The following FBXO34 variants were observed in gnomAD, a reference collection of about 807,000 sequenced individuals.
FBXO34 encodes the protein F-box only protein 34.
FBXO34 carries 12 observed loss-of-function variants against 24.5 expected under a neutral mutation model. That is an observed-to-expected ratio of 0.49 (90% CI 0.31 to 0.79). The LOEUF (loss-of-function observed/expected upper bound fraction) is 0.79, where lower values mean the gene tolerates loss of function less well. Among genes scored for constraint, FBXO34 ranks in the 30% least tolerant of loss-of-function variants. The probability of loss-of-function intolerance (pLI) is 0.04; values close to 1 mark genes in which losing one functional copy is unlikely to be tolerated. For missense variants in FBXO34, 823 were observed against 857.7 expected (o/e 0.96, Z 0.51); for synonymous variants, 320 against 311.9 (o/e 1.03, Z -0.27).
chr14:55,432,444 C>CAA, the FBXO34 span, among the ~76,000 whole-genome samples: 1 of 147,438 alleles, frequency 6.8e-6, no homozygotes, highest in African/African-American at 2.5e-5. Flanking sequence ...AAACAAACAA[C>CAA]AAAAAAAACA....
rs1413416218 is a variant in FBXO34, at chr14:55,344,546, A to T, written c.-10-5835A>T. ...CCAATGTTAATTTTTGTGTATGTGT[A>T]TTTTTTTTTTTTTTTTTACTTTAAG... On this transcript the variant is annotated intron_variant, in intron 1 of 1. Transcript: ENST00000313833. Among the ~76,000 whole-genome samples the T allele has an allele frequency of 1.7e-4, 24 of 138,998 alleles. 1 individual carries two copies. The highest frequency in any genetic ancestry group is 7.9e-4 in the Admixed American group (11 of 13,848). 91.2% of individuals were successfully genotyped at this position (138,998 alleles called of 152,430 possible). A position where few individuals can be genotyped will look rare whatever the true frequency, so the allele number is the denominator to read the frequency against.
intron 1 of FBXO34, among the ~76,000 whole-genome samples, chr14:55,288,259 T>C (rs760022009): frequency 1.3e-5 from 2 of 151,988 alleles, no homozygotes; most frequent in African/African-American, 2.4e-5. Flanking sequence ...GAAAATCCAA[T>C]TTTTTTTGGG....
intron 1 of FBXO34, among the ~76,000 whole-genome samples, chr14:55,340,040 C>G (rs1342388984): frequency 6.6e-6 from 1 of 152,150 alleles, no homozygotes; most frequent in Non-Finnish European, 1.5e-5. Flanking sequence ...AGTCTTTTGT[C>G]TACATTGATG....
chr14:55,292,468 TCA>T (rs1328593195), intron 1 of FBXO34, among the ~76,000 whole-genome samples: 1 of 152,096 alleles, frequency 6.6e-6, no homozygotes, highest in African/African-American at 2.4e-5. Flanking sequence ...CAAGTGATCC[TCA>T]CACCTCAGCC....
intron 1 of FBXO34, among the ~76,000 whole-genome samples, chr14:55,311,668 C>T (rs182951576): frequency 2.0e-4 from 31 of 152,238 alleles, no homozygotes; most frequent in Non-Finnish European, 3.2e-4. Flanking sequence ...AACAAAGGGC[C>T]TGCAGGTCCC....
chr14:55,275,244 T>C (rs1382131263), intron 1 of FBXO34, among the ~76,000 whole-genome samples: 1 of 152,226 alleles, frequency 6.6e-6, no homozygotes, highest in Non-Finnish European at 1.5e-5. Context: ...CATTTTAAAA[T>C]ATTCAGCTTC....
chr14:55,294,737 G>A (rs534191469), intron 1 of FBXO34, among the ~76,000 whole-genome samples: 1 of 152,292 alleles, frequency 6.6e-6, no homozygotes, highest in South Asian at 2.1e-4. Context: ...GCTGTGCTAA[G>A]TTTAAGAACT....
chr14:55,438,550 A>G, the FBXO34 span, among the ~76,000 whole-genome samples: 1 of 152,176 alleles, frequency 6.6e-6, no homozygotes, highest in Non-Finnish European at 1.5e-5. Flanking sequence ...TGCAACAGTC[A>G]GTGTCTCCCT....
intron 1 of FBXO34, among the ~76,000 whole-genome samples, chr14:55,333,795 A>T (rs1361631873): frequency 2.7e-5 from 4 of 150,376 alleles, no homozygotes; most frequent in Non-Finnish European, 5.9e-5. Context: ...ACTCATGGGG[A>T]GACTTTATAG....
At chr14:55,291,385 T>TG (rs957894361) in intron 1 of FBXO34, among the ~76,000 whole-genome samples, 3 of 152,162 alleles carry the variant, frequency 2.0e-5, no homozygotes, top group Non-Finnish European at 4.4e-5. Flanking sequence ...TAATGCTAGT[T>TG]GGGGTGAAGC....
intron 1 of FBXO34, among the ~76,000 whole-genome samples, chr14:55,346,314 G>C (rs1391975729): frequency 6.6e-6 from 1 of 152,196 alleles, no homozygotes; most frequent in Non-Finnish European, 1.5e-5. Context: ...CAGTGTAGCA[G>C]AGATGACTAG....
intron 1 of FBXO34, among the ~76,000 whole-genome samples, chr14:55,324,287 A>G (rs1883268810): frequency 6.6e-6 from 1 of 152,190 alleles, no homozygotes; most frequent in African/African-American, 2.4e-5. Context: ...TTGATGGCTG[A>G]ATTAATATTC....
intron 1 of FBXO34, among the ~76,000 whole-genome samples, chr14:55,281,433 C>G (rs1313934037): frequency 6.6e-6 from 1 of 151,920 alleles, no homozygotes; most frequent in African/African-American, 2.4e-5. Context: ...CCATATTTGC[C>G]CCCTTCAATC....
At chr14:55,395,845 C>A in the FBXO34 span, 1 of 945,286 alleles carries the variant, frequency 1.1e-6, no homozygotes, top group Non-Finnish European at 1.5e-6. Context: ...CTGCTAAATA[C>A]GATTTTTAAA....
chr14:55,279,023 G>T (rs1881439615), intron 1 of FBXO34, among the ~76,000 whole-genome samples: 1 of 152,106 alleles, frequency 6.6e-6, no homozygotes, highest in African/African-American at 2.4e-5. Flanking sequence ...AAGGCCGGGC[G>T]TGGTGGCTCA....
chr14:55,425,067 T>G, the FBXO34 span, among the ~76,000 whole-genome samples: 1 of 152,224 alleles, frequency 6.6e-6, no homozygotes, highest in East Asian at 1.9e-4. Flanking sequence ...GAATCCAGAC[T>G]GCATGGAAAA....
chr14:55,415,884 G>T, the FBXO34 span, among the ~76,000 whole-genome samples: 2 of 151,994 alleles, frequency 1.3e-5, no homozygotes, highest in Non-Finnish European at 2.9e-5. Context: ...AAAATGTATG[G>T]TGTGTATATA....
At chr14:55,297,018 A>T (rs1335994967) in intron 1 of FBXO34, among the ~76,000 whole-genome samples, 1 of 152,176 alleles carries the variant, frequency 6.6e-6, no homozygotes, top group Non-Finnish European at 1.5e-5. Flanking sequence ...CTACAATTGT[A>T]GGAAGACCCA....
At chr14:55,420,178 C>G in the FBXO34 span, among the ~76,000 whole-genome samples, 290 of 152,336 alleles carry the variant, frequency 1.9e-3, 2 homozygotes, top group African/African-American at 6.8e-3. Flanking sequence ...TCAAGCGATT[C>G]TCCTGCCTCA....
Sources: gnomAD v4.1 joint callset for allele counts (sites outside exome capture counted in the v4.1 genomes callset) on GRCh38, gnomAD v4.1.1 for gene constraint, MANE v1.5 for transcripts, NCBI Gene and HGNC (gene_info 2026-07-23, HGNC 2026-07-21) for gene names.